Variants in SKIC3 observed in about 807,000 individuals in gnomAD.
SKIC3 encodes superkiller complex protein 3.
chr5:95,541,755 A>T, the SKIC3 span: 48 of 1,233,764 alleles, frequency 3.9e-5, no homozygotes, highest in East Asian at 1.1e-3. Flanking sequence ...CATGATTTTT[A>T]ATCAGTTTAT....
the SKIC3 span, among the ~76,000 whole-genome samples, chr5:95,477,028 A>G: frequency 3.9e-5 from 6 of 152,212 alleles, no homozygotes; most frequent in African/African-American, 1.4e-4. Flanking sequence ...GAAAAGTAAA[A>G]AGTAATAAGT....
chr5:95,547,587 A>G, the SKIC3 span, among the ~76,000 whole-genome samples: 8 of 152,070 alleles, frequency 5.3e-5, no homozygotes, highest in African/African-American at 9.7e-5. Flanking sequence ...AGGACCTAGT[A>G]TCTTAAATTA....
chr5:95,512,788 G>A, the SKIC3 span: 17 of 695,088 alleles, frequency 2.4e-5, no homozygotes, highest in African/African-American at 5.4e-5. Context: ...AAAACACAGC[G>A]AAGAACATAT....
the SKIC3 span, chr5:95,522,201 T>G: frequency 2.9e-5 from 47 of 1,613,782 alleles, no homozygotes; most frequent in South Asian, 5.1e-4. Context: ...CTGGCTTTTG[T>G]GAAGGACTTC....
chr5:95,472,868 T>C, the SKIC3 span, among the ~76,000 whole-genome samples: 1 of 152,254 alleles, frequency 6.6e-6, no homozygotes, highest in African/African-American at 2.4e-5. Context: ...TTTGATTTTC[T>C]GTCCCTGTGT....
At chr5:95,507,155 A>G in the SKIC3 span, 1 of 731,622 alleles carries the variant, frequency 1.4e-6, no homozygotes, top group Admixed American at 2.5e-5. Context: ...TATTTTATTA[A>G]GTTGGTACCA....
At chr5:95,470,021 G>C in the SKIC3 span, 1 of 1,311,348 alleles carries the variant, frequency 7.6e-7, no homozygotes, top group African/African-American at 1.6e-5. Flanking sequence ...CTGTCACCCA[G>C]CCTGGAGTGC....
At chr5:95,492,818 C>G in the SKIC3 span, among the ~76,000 whole-genome samples, 1 of 151,784 alleles carries the variant, frequency 6.6e-6, no homozygotes, top group African/African-American at 2.4e-5. Context: ...CTTTAGGGAT[C>G]TTACAGTATT....
At chr5:95,483,897 C>T in the SKIC3 span, among the ~76,000 whole-genome samples, 1 of 152,164 alleles carries the variant, frequency 6.6e-6, no homozygotes, top group Non-Finnish European at 1.5e-5. Context: ...ACCCACTCAA[C>T]AATCTCCACA....
chr5:95,523,772 G>A, the SKIC3 span: 170 of 1,613,342 alleles, frequency 1.1e-4, no homozygotes, highest in Non-Finnish European at 1.3e-4. Flanking sequence ...CTCCCACTAC[G>A]TCTCTATAAT....
At chr5:95,492,464 G>A in the SKIC3 span, among the ~76,000 whole-genome samples, 1 of 149,078 alleles carries the variant, frequency 6.7e-6, no homozygotes, top group African/African-American at 2.5e-5. Context: ...GTGAAACCCC[G>A]TCTCTACTAA....
chr5:95,539,736 TG>T, the SKIC3 span, among the ~76,000 whole-genome samples: 1 of 151,146 alleles, frequency 6.6e-6, no homozygotes, highest in Non-Finnish European at 1.5e-5. Context: ...CCCAGCTACT[TG>T]TGAGGCTGAG....
At chr5:95,551,761 C>T in the SKIC3 span, among the ~76,000 whole-genome samples, 4 of 152,168 alleles carry the variant, frequency 2.6e-5, no homozygotes, top group African/African-American at 9.7e-5. Flanking sequence ...GATCTAGGAT[C>T]AAAGCCATTA....
chr5:95,529,059 C>G, the SKIC3 span: 1 of 1,613,764 alleles, frequency 6.2e-7, no homozygotes, highest in African/African-American at 1.3e-5. Context: ...GGGCTTCTGC[C>G]AGATGATACC....
chr5:95,467,687 G>C, the SKIC3 span, among the ~76,000 whole-genome samples: 799 of 152,122 alleles, frequency 5.3e-3, 5 homozygotes, highest in African/African-American at 0.019. Flanking sequence ...ATTTTCAACA[G>C]ATGTAACAGT....
At chr5:95,536,956 T>TTTA in the SKIC3 span, 1 of 1,589,188 alleles carries the variant, frequency 6.3e-7, no homozygotes, top group Non-Finnish European at 8.6e-7. Context: ...ATACACTACA[T>TTTA]TCTAGTAGTA....
the SKIC3 span, chr5:95,541,960 C>T: frequency 2.6e-6 from 3 of 1,144,292 alleles, no homozygotes; most frequent in African/African-American, 1.5e-5. Flanking sequence ...TTGCTGTTCT[C>T]ACATTCATTT....
At chr5:95,554,205 A>G in the SKIC3 span, among the ~76,000 whole-genome samples, 1 of 152,170 alleles carries the variant, frequency 6.6e-6, no homozygotes, top group Non-Finnish European at 1.5e-5. Context: ...CCTTACTACA[A>G]TTATCTTAGG....
At chr5:95,544,700 T>A in the SKIC3 span, among the ~76,000 whole-genome samples, 1 of 152,178 alleles carries the variant, frequency 6.6e-6, no homozygotes, top group African/African-American at 2.4e-5. Flanking sequence ...CTGAACAAAA[T>A]GCCATACTCA....
Sources: allele counts gnomAD v4.1 joint callset (sites outside exome capture counted in the v4.1 genomes callset), GRCh38; gene constraint gnomAD v4.1.1; transcripts MANE v1.5; gene names NCBI Gene and HGNC (gene_info 2026-07-23, HGNC 2026-07-21).